The following WDR27 variants were observed in gnomAD, a reference collection of about 807,000 sequenced individuals.
The protein encoded by WDR27 is WD repeat-containing protein 27.
A neutral mutation model predicts 114.4 loss-of-function variants in WDR27; 100 were observed. That is an observed-to-expected ratio of 0.87 (90% CI 0.74 to 1.03). The LOEUF (loss-of-function observed/expected upper bound fraction) is 1.03, where lower values mean the gene tolerates loss of function less well. WDR27 is among the 50% of genes least tolerant of loss of function. The pLI, the probability that WDR27 is intolerant of heterozygous loss-of-function variation, is 0.00. For synonymous variants in WDR27, 449 were observed against 423.1 expected (o/e 1.06, Z -0.75); for missense variants, 1,129 against 1,092.9 (o/e 1.03, Z -0.47).
intron 25 of WDR27, among the ~76,000 whole-genome samples, chr6:169,472,086 G>A (rs1449492885): frequency 2.0e-5 from 3 of 152,138 alleles, no homozygotes; most frequent in Admixed American, 1.3e-4. Context: ...GCCCATAGCA[G>A]GTCATGTGTT....
intron 25 of WDR27, among the ~76,000 whole-genome samples, chr6:169,540,784 A>G (rs1371305517): frequency 1.3e-5 from 2 of 152,104 alleles, no homozygotes; most frequent in Non-Finnish European, 2.9e-5. Flanking sequence ...GTCCACCTGC[A>G]TGAACCTGGA....
chr6:169,552,036 C>T (rs1336141821), intron 25 of WDR27, among the ~76,000 whole-genome samples: 1 of 152,174 alleles, frequency 6.6e-6, no homozygotes, highest in African/African-American at 2.4e-5. Flanking sequence ...AAGCCGCATA[C>T]AAAGAAAGGC....
At chr6:169,649,688 T>C (rs1297286302) in intron 14 of WDR27, among the ~76,000 whole-genome samples, 2 of 151,910 alleles carry the variant, frequency 1.3e-5, no homozygotes, top group Admixed American at 6.6e-5. Flanking sequence ...GCAGATGCCA[T>C]TGGAGCAGAA....
intron 25 of WDR27, among the ~76,000 whole-genome samples, chr6:169,519,034 A>G: frequency 6.6e-6 from 1 of 152,242 alleles, no homozygotes; most frequent in East Asian, 1.9e-4. Context: ...TTGCTAGGGC[A>G]TAACAAGGGT....
intron 25 of WDR27, among the ~76,000 whole-genome samples, chr6:169,462,921 A>G (rs954283535): frequency 6.6e-6 from 1 of 152,234 alleles, no homozygotes; most frequent in Admixed American, 6.5e-5. Flanking sequence ...CATTTTCATA[A>G]TTTAAAAAAC....
intron 25 of WDR27, among the ~76,000 whole-genome samples, chr6:169,536,834 C>A (rs1219607284): frequency 2.0e-5 from 3 of 151,954 alleles, no homozygotes; most frequent in African/African-American, 7.3e-5. Flanking sequence ...GTCTTCCCTT[C>A]CCTCTTAGTC....
At chr6:169,688,713 T>C (rs1216582307) in intron 2 of WDR27, 104 bp downstream of exon 2, 1 of 695,246 alleles carries the variant, frequency 1.4e-6, no homozygotes, top group Non-Finnish European at 2.2e-6. Context: ...CTCCTATAGT[T>C]GGTAGCTGAA....
intron 25 of WDR27, among the ~76,000 whole-genome samples, chr6:169,461,023 GA>G (rs1387714643): frequency 6.6e-6 from 1 of 150,998 alleles, no homozygotes; most frequent in East Asian, 1.9e-4. Context: ...AAGGCTAAAA[GA>G]AACAAAATAG....
chr6:169,557,168 T>A (rs1460137233), intron 25 of WDR27, among the ~76,000 whole-genome samples: 1 of 152,338 alleles, frequency 6.6e-6, no homozygotes, highest in Non-Finnish European at 1.5e-5. Flanking sequence ...GAGGGCTGGG[T>A]AAACTGTGTT....
intron 16 of WDR27, among the ~76,000 whole-genome samples, chr6:169,646,888 C>T (rs1253988203): frequency 1.3e-5 from 2 of 152,092 alleles, no homozygotes; most frequent in Non-Finnish European, 2.9e-5. Context: ...ATCTAATTTC[C>T]GAAAATGACT....
At chr6:169,443,401 C>G in the WDR27 span, among the ~76,000 whole-genome samples, 14 of 147,186 alleles carry the variant, frequency 9.5e-5, no homozygotes, top group African/African-American at 3.6e-4. Flanking sequence ...GTTTTCTAAT[C>G]TATTTTAAAA....
intron 25 of WDR27, among the ~76,000 whole-genome samples, chr6:169,486,712 G>A (rs752634059): frequency 2.0e-4 from 30 of 152,016 alleles, no homozygotes; most frequent in Non-Finnish European, 3.7e-4. Flanking sequence ...GGCTGGTCTC[G>A]AACTCCTGAC....
intron 21 of WDR27, among the ~76,000 whole-genome samples, chr6:169,628,938 A>G (rs969193885): frequency 6.6e-6 from 1 of 152,232 alleles, no homozygotes; most frequent in African/African-American, 2.4e-5. Flanking sequence ...CCACAAATTC[A>G]TATTTTAAAA....
intron 25 of WDR27, among the ~76,000 whole-genome samples, chr6:169,541,080 A>C (rs1796778314): frequency 6.6e-6 from 1 of 152,150 alleles, no homozygotes; most frequent in Non-Finnish European, 1.5e-5. Context: ...AAGGTGAACA[A>C]GGAAAAGCAG....
chr6:169,506,776 T>C (rs974514130), intron 25 of WDR27, among the ~76,000 whole-genome samples: 2 of 152,216 alleles, frequency 1.3e-5, no homozygotes, highest in African/African-American at 4.8e-5. Flanking sequence ...GTGTTAGTTA[T>C]AACTTGGGAC....
In WDR27 at chr6:169,537,262, A is replaced by G. The variant is rs187205917; in HGVS notation, c.2645+35157T>C. ...TATGCTCTTCAGGGAGGAGCATCCAATAAGGAAATATATGAATAGACAAGA... is the reference window on the plus strand; with the variant it reads ...TATGCTCTTCAGGGAGGAGCATCCAGTAAGGAAATATATGAATAGACAAGA... On this transcript the variant is annotated intron_variant, in intron 25 of 25. Coordinates refer to ENST00000448612, the MANE Select transcript of WDR27 (RefSeq NM_182552.5). 2.0e-3 allele frequency among the ~76,000 whole-genome samples: 308 copies of G among 152,256 alleles called. 1 individual carries two copies. Among genetic ancestry groups the G allele is most frequent in the African/African-American group, 7.0e-3 (292 of 41,546 alleles).
chr6:169,450,583 C>A, the WDR27 span, among the ~76,000 whole-genome samples: 1 of 152,158 alleles, frequency 6.6e-6, no homozygotes, highest in East Asian at 1.9e-4. Context: ...CTCAGGGAGC[C>A]CCCCAGGATG....
At chr6:169,630,755 G>A (rs1344036703) in intron 21 of WDR27, among the ~76,000 whole-genome samples, 7 of 152,226 alleles carry the variant, frequency 4.6e-5, no homozygotes, top group South Asian at 2.1e-4. Flanking sequence ...TTAGCCAGGC[G>A]TGGTGGCACG....
At chr6:169,474,284 T>A (rs1583634975) in intron 25 of WDR27, among the ~76,000 whole-genome samples, 1 of 152,210 alleles carries the variant, frequency 6.6e-6, no homozygotes, top group Non-Finnish European at 1.5e-5. Flanking sequence ...TAAAGTCACA[T>A]GCAATCCTTA....
Sources: allele counts gnomAD v4.1 joint callset (sites outside exome capture counted in the v4.1 genomes callset), GRCh38; gene constraint gnomAD v4.1.1; transcripts MANE v1.5; gene names NCBI Gene and HGNC (gene_info 2026-07-23, HGNC 2026-07-21).